The following KIF3B variants were observed in gnomAD, a reference collection of about 807,000 sequenced individuals.
KIF3B encodes kinesin-like protein KIF3B.
KIF3B carries 38 observed loss-of-function variants against 74.3 expected under a neutral mutation model. The ratio of observed to expected loss-of-function variants is 0.51; its 90% CI spans 0.39 to 0.67. The LOEUF (loss-of-function observed/expected upper bound fraction) is 0.67, where lower values mean the gene tolerates loss of function less well. Among genes scored for constraint, KIF3B ranks in the 30% least tolerant of loss-of-function variants. KIF3B has a pLI of 0.00. For missense variants in KIF3B, 649 were observed against 932.0 expected (o/e 0.70, Z 3.95); for synonymous variants, 326 against 342.5 (o/e 0.95, Z 0.53).
At chr20:32,322,399 A>G (rs2047864549) in intron 5 of KIF3B, among the ~76,000 whole-genome samples, 1 of 150,886 alleles carries the variant, frequency 6.6e-6, no homozygotes, top group African/African-American at 2.4e-5. Flanking sequence ...ACCTGAAGTC[A>G]GGAGTTTGAG....
chr20:32,325,124 CATAATA>C lies in KIF3B; in HGVS notation c.1749-1640_1749-1635del, dbSNP rs150964825. On this transcript the variant is annotated intron_variant, in intron 5 of 8. Transcript: ENST00000375712. ...AAAAGATCAGGACAAAATATACCAA[CATAATA>C]ATAATAGTTATCTCTGGATAGTGAA... 1.4e-4 allele frequency among the ~76,000 whole-genome samples: 22 copies of C among 152,224 alleles called. No individual in the cohort carries two copies. In the East Asian group the frequency reaches 3.3e-3, roughly 23 times the overall value.
chr20:32,326,679 C>G, intron 5 of KIF3B, 92 bp from the exon 6 acceptor site: 1 of 676,062 alleles, frequency 1.5e-6, no homozygotes, highest in Non-Finnish European at 2.7e-6. Context: ...TGCCTTGACT[C>G]TTACCTGATT....
intron 7 of KIF3B, among the ~76,000 whole-genome samples, chr20:32,328,858 A>C (rs2047916667): frequency 6.6e-6 from 1 of 152,170 alleles, no homozygotes; most frequent in Non-Finnish European, 1.5e-5. Flanking sequence ...CCAAAATAGA[A>C]AAATAGAAAC....
chr20:32,311,276 G>A, intron 2 of KIF3B, 95 bp downstream of exon 2: 2 of 1,322,416 alleles, frequency 1.5e-6, no homozygotes, highest in Non-Finnish European at 2.0e-6. Flanking sequence ...GAGGGATGAT[G>A]TCTCTCATCA....
chr20:32,331,480 C>T lies in KIF3B; in HGVS notation c.*161C>T. On this transcript the variant is annotated 3_prime_UTR_variant, in exon 9 of 9. Transcript: ENST00000375712. ...AACCAACTTAATCTGGTTGAACGTG[C>T]TGTTCCTAATCTGGCACTCAGCCCC... The T allele has an allele frequency of 1.7e-6, 1 of 588,742 alleles. No individual in the cohort carries two copies. Among genetic ancestry groups the T allele is most frequent in the Non-Finnish European group, 2.9e-6 (1 of 339,584 alleles). The allele number at this position is 588,742 out of a possible 1,614,324, so 36.5% of individuals were successfully genotyped here. A position where few individuals can be genotyped will look rare whatever the true frequency, so the allele number is the denominator to read the frequency against.
chr20:32,327,649 G>T lies in KIF3B; in HGVS notation c.1956G>T (p.Glu652Asp). The T allele has an allele frequency of 6.2e-7, 1 of 1,612,748 alleles. No homozygotes were observed. The highest frequency in any genetic ancestry group is 8.5e-7 in the Non-Finnish European group (1 of 1,179,226). ...HARMSMMIRPEARYRAENIVL... is the reference protein window; with the variant it reads ...HARMSMMIRPDARYRAENIVL... Reference sequence around the variant, plus strand: ...GAATGTCCATGATGATTCGTCCAGAGGCCCGATATAGGGTGAGAAGATCCT... The same window carrying T: ...GAATGTCCATGATGATTCGTCCAGATGCCCGATATAGGGTGAGAAGATCCT... The change falls in exon 7 of 9, where the codon GAG (glutamate) becomes GAT (aspartate). Residue 652 changes from glutamate to aspartate, a missense_variant. By Grantham distance (45) the Glu-to-Asp change is conservative. This residue lies in a region of KIF3B where 186 missense variants were observed against 198.5 expected (regional missense o/e 0.94). Coordinates refer to ENST00000375712, the MANE Select transcript of KIF3B (RefSeq NM_004798.4).
In KIF3B at chr20:32,319,527, T is replaced by TACAC. The variant is rs71187104; in HGVS notation, c.1748+2667_1748+2670dup. Among the ~76,000 whole-genome samples, 919 of 133,532 alleles carry TACAC rather than the reference T, an allele frequency of 6.9e-3. 8 individuals are homozygous for TACAC. The highest frequency in any genetic ancestry group is 0.023 in the East Asian group (104 of 4,550). 87.6% of individuals were successfully genotyped at this position (133,532 alleles called of 152,430 possible). ...ATATATATGAAATATATATATTTCA[T>TACAC]ACACACACACACACACATATGTGTA... On this transcript the variant is annotated intron_variant, in intron 5 of 8. Transcript: ENST00000375712.
intron 1 of KIF3B, among the ~76,000 whole-genome samples, chr20:32,300,839 TTTGTTG>T (rs145346172): frequency 0.34 from 51,653 of 150,644 alleles, 10,009 homozygotes; most frequent in East Asian, 0.74. Context: ...TGCTGAGGAT[TTTGTTG>T]TTGTTGTTGT....
rs1044018925 is a variant in KIF3B, at chr20:32,329,018, G to C, written c.1969-1123G>C. Reference sequence around the variant, plus strand: ...TGTCTCCTGGGTTCAAGCAATTCTGGTGCTTCAGCCTTCCTAGTAGCTGAG... The same window carrying C: ...TGTCTCCTGGGTTCAAGCAATTCTGCTGCTTCAGCCTTCCTAGTAGCTGAG... On this transcript the variant is annotated intron_variant, in intron 7 of 8. Transcript: ENST00000375712. Among the ~76,000 whole-genome samples the C allele has an allele frequency of 1.1e-4, 17 of 152,238 alleles. No homozygotes were observed. The East Asian group carries it at 3.3e-3, about 29-fold the overall frequency.
chr20:32,306,079 T>C (rs1309859581), intron 1 of KIF3B, among the ~76,000 whole-genome samples: 1 of 100,716 alleles, frequency 9.9e-6, no homozygotes. Flanking sequence ...AGAGCAAGAC[T>C]CCATCTGAAA....
Position 32,309,735 on chromosome 20 carries a change from T to C in KIF3B, c.-43T>C. On this transcript the variant is annotated 5_prime_UTR_variant, in exon 2 of 9. Transcript: ENST00000375712. The stretch of plus-strand genomic sequence containing the variant: ...TAGGACCGTAGCATCCTGAGACATT[T>C]TGAATTGACACTTCTCAAGATTTGA... The C allele has an allele frequency of 6.3e-7, 1 of 1,578,248 alleles. No homozygotes were observed. Among genetic ancestry groups the C allele is most frequent in the Non-Finnish European group, 8.6e-7 (1 of 1,161,680 alleles).
intron 1 of KIF3B, among the ~76,000 whole-genome samples, chr20:32,283,331 C>T (rs1426478449): frequency 1.3e-5 from 2 of 151,946 alleles, no homozygotes; most frequent in Non-Finnish European, 2.9e-5. Context: ...TGGTGAAACC[C>T]CTTCTTTACT....
intron 1 of KIF3B, among the ~76,000 whole-genome samples, chr20:32,290,408 A>T (rs2122660765): frequency 6.6e-6 from 1 of 151,862 alleles, no homozygotes; most frequent in South Asian, 2.1e-4. Flanking sequence ...ACTAGGAATG[A>T]TAGAGCTGGG....
At chr20:32,319,110 GCCACCCTA>G (rs1432835393) in intron 5 of KIF3B, among the ~76,000 whole-genome samples, 1 of 151,876 alleles carries the variant, frequency 6.6e-6, no homozygotes. Context: ...ATAGCGGCAT[GCCACCCTA>G]CTTGGCTAAT....
intron 5 of KIF3B, among the ~76,000 whole-genome samples, chr20:32,326,312 C>T (rs976064311): frequency 2.0e-5 from 3 of 152,140 alleles, no homozygotes; most frequent in South Asian, 2.1e-4. Context: ...GCTTGGACAA[C>T]GAGCCATGGG....
At chr20:32,284,712 C>G (rs1023177843) in intron 1 of KIF3B, among the ~76,000 whole-genome samples, 1 of 152,246 alleles carries the variant, frequency 6.6e-6, no homozygotes, top group African/African-American at 2.4e-5. Context: ...ACCAAGATCC[C>G]GGATGTTTCC....
At chr20:32,295,854 CTTTTTTTTTTT>C (rs66566110) in intron 1 of KIF3B, among the ~76,000 whole-genome samples, 1 of 110,870 alleles carries the variant, frequency 9.0e-6, no homozygotes, top group African/African-American at 3.6e-5. Context: ...TTTTTATTAT[CTTTTTTTTTTT>C]TTTTTTTTTT....
intron 5 of KIF3B, among the ~76,000 whole-genome samples, chr20:32,323,542 C>T (rs986804916): frequency 6.6e-6 from 1 of 151,678 alleles, no homozygotes; most frequent in Admixed American, 6.6e-5. Flanking sequence ...TGGGACTACT[C>T]GAGTAGTGAG....
At chr20:32,318,954 C>G (rs962269384) in intron 5 of KIF3B, among the ~76,000 whole-genome samples, 4 of 151,618 alleles carry the variant, frequency 2.6e-5, no homozygotes, top group Non-Finnish European at 4.4e-5. Context: ...CCAATTTCTC[C>G]ACATCTTCTT....
Sources: gnomAD v4.1 joint callset for allele counts (sites outside exome capture counted in the v4.1 genomes callset) on GRCh38, gnomAD v4.1.1 for gene constraint, gnomAD v4.1.1 regional missense constraint, MANE v1.5 for transcripts, NCBI Gene and HGNC (gene_info 2026-07-23, HGNC 2026-07-21) for gene names.